Variants in RPS6KC1 observed in about 807,000 individuals in gnomAD.
RPS6KC1 encodes ribosomal protein S6 kinase C1.
Under a neutral mutation model 103.8 loss-of-function variants are expected in RPS6KC1, and 54 were observed. That is an observed-to-expected ratio of 0.52 (90% CI 0.42 to 0.65). The LOEUF is 0.65. Ranked by LOEUF, RPS6KC1 falls within the 30% of genes least tolerant of loss-of-function variation. The pLI is 0.00. For missense variants in RPS6KC1, 1,151 were observed against 1,253.8 expected, an observed-to-expected ratio of 0.92 and a Z score of 1.24; for synonymous variants, 439 against 438.7, an observed-to-expected ratio of 1.00 and a Z score of -0.01.
chr1:213,358,674 A>C, the RPS6KC1 span, among the ~76,000 whole-genome samples: 1 of 152,122 alleles, frequency 6.6e-6, no homozygotes, highest in East Asian at 1.9e-4. Context: ...GCCTTCTGCT[A>C]GCTTTTGAAT....
At chr1:213,741,834 T>C in the RPS6KC1 span, among the ~76,000 whole-genome samples, 1 of 151,998 alleles carries the variant, frequency 6.6e-6, no homozygotes, top group Non-Finnish European at 1.5e-5. Flanking sequence ...GATGCAGAGC[T>C]GGGGTGACTG....
chr1:213,381,941 T>G, the RPS6KC1 span, among the ~76,000 whole-genome samples: 1 of 152,182 alleles, frequency 6.6e-6, no homozygotes, highest in Non-Finnish European at 1.5e-5. Context: ...TTTTCTTGGC[T>G]GGGCCCCAGA....
At chr1:213,793,072 C>T in the RPS6KC1 span, among the ~76,000 whole-genome samples, 2 of 152,140 alleles carry the variant, frequency 1.3e-5, no homozygotes. Flanking sequence ...CCCCCAGTCT[C>T]CATATAATCT....
chr1:213,293,555 TC>T, the RPS6KC1 span, among the ~76,000 whole-genome samples: 9 of 152,176 alleles, frequency 5.9e-5, no homozygotes, highest in Non-Finnish European at 1.3e-4. Flanking sequence ...AGGCTATTTT[TC>T]TTTTTTCCTT....
chr1:213,060,730 A>C (rs138438461), intron 1 of RPS6KC1, among the ~76,000 whole-genome samples: 62 of 152,338 alleles, frequency 4.1e-4, no homozygotes, highest in African/African-American at 1.4e-3. Context: ...GAATACTGCT[A>C]TAATTGGTAA....
chr1:213,557,551 TA>T, the RPS6KC1 span, among the ~76,000 whole-genome samples: 2 of 152,214 alleles, frequency 1.3e-5, no homozygotes, highest in African/African-American at 4.8e-5. Flanking sequence ...ATGAGAATTC[TA>T]AATGTGAAAC....
chr1:213,316,971 A>T, the RPS6KC1 span, among the ~76,000 whole-genome samples: 5 of 152,098 alleles, frequency 3.3e-5, no homozygotes. Context: ...GTGAGGTCAG[A>T]GAGGGAGCCT....
the RPS6KC1 span, among the ~76,000 whole-genome samples, chr1:213,838,797 G>C: frequency 6.6e-6 from 1 of 152,154 alleles, no homozygotes; most frequent in Non-Finnish European, 1.5e-5. Flanking sequence ...CCTCAGACTT[G>C]CTCATTTTTT....
chr1:213,135,494 T>G (rs1483832914), intron 6 of RPS6KC1, among the ~76,000 whole-genome samples: 5 of 152,298 alleles, frequency 3.3e-5, no homozygotes, highest in Non-Finnish European at 5.9e-5. Flanking sequence ...TTCCTTCAGT[T>G]GTGACCTGTG....
chr1:213,653,143 G>T, the RPS6KC1 span, among the ~76,000 whole-genome samples: 1 of 152,126 alleles, frequency 6.6e-6, no homozygotes, highest in Non-Finnish European at 1.5e-5. Flanking sequence ...TGGAATTCTG[G>T]AATAGAAGAT....
At chr1:213,750,539 A>G in the RPS6KC1 span, among the ~76,000 whole-genome samples, 2 of 152,234 alleles carry the variant, frequency 1.3e-5, no homozygotes, top group Non-Finnish European at 2.9e-5. Flanking sequence ...AAGGATGGAT[A>G]TATGAGCTGA....
the RPS6KC1 span, among the ~76,000 whole-genome samples, chr1:213,399,296 C>T: frequency 6.6e-6 from 1 of 152,170 alleles, no homozygotes; most frequent in African/African-American, 2.4e-5. Flanking sequence ...TCCACACAGG[C>T]AGGATGCAAC....
At chr1:213,146,134 C>T (rs1572825430) in intron 6 of RPS6KC1, among the ~76,000 whole-genome samples, 1 of 147,428 alleles carries the variant, frequency 6.8e-6, no homozygotes, top group African/African-American at 2.5e-5. Flanking sequence ...TAAGTGAGAA[C>T]ATGCAATGTT....
chr1:213,189,040 A>C (rs1023185174), intron 8 of RPS6KC1, among the ~76,000 whole-genome samples: 26 of 152,338 alleles, frequency 1.7e-4, no homozygotes, highest in Admixed American at 2.6e-4. Context: ...AAATGTAGAC[A>C]TAGTCCCACA....
chr1:213,307,120 T>C, the RPS6KC1 span, among the ~76,000 whole-genome samples: 1 of 148,108 alleles, frequency 6.8e-6, no homozygotes, highest in South Asian at 2.1e-4. Flanking sequence ...TGGAGTGCAG[T>C]GGCGCGATCT....
At chr1:213,151,435 C>T (rs1390637290) in intron 6 of RPS6KC1, among the ~76,000 whole-genome samples, 1 of 133,776 alleles carries the variant, frequency 7.5e-6, no homozygotes. Context: ...CAGAGGCGCC[C>T]CTCACCTCCC....
chr1:213,124,185 C>T (rs545139063), intron 5 of RPS6KC1, among the ~76,000 whole-genome samples: 7 of 152,290 alleles, frequency 4.6e-5, no homozygotes, highest in South Asian at 2.1e-4. Context: ...GGAGGCAGAA[C>T]GCTTTCATAG....
the RPS6KC1 span, among the ~76,000 whole-genome samples, chr1:213,500,780 T>C: frequency 6.6e-6 from 1 of 152,204 alleles, no homozygotes; most frequent in African/African-American, 2.4e-5. Context: ...GGAGATATGA[T>C]TATACATCTA....
chr1:213,121,313 T>A (rs1451588030), intron 5 of RPS6KC1, among the ~76,000 whole-genome samples: 1 of 152,204 alleles, frequency 6.6e-6, no homozygotes, highest in Admixed American at 6.5e-5. Flanking sequence ...AATAATTTGG[T>A]GATAAACTGG....
Sources: gnomAD v4.1 joint callset for allele counts (sites outside exome capture counted in the v4.1 genomes callset) on GRCh38, gnomAD v4.1.1 for gene constraint, MANE v1.5 for transcripts, NCBI Gene and HGNC (gene_info 2026-07-23, HGNC 2026-07-21) for gene names.